Variants in MTR observed in about 807,000 individuals in gnomAD.
MTR encodes methionine synthase.
In MTR, 84 loss-of-function variants were observed where a neutral mutation model predicts 154.8. The ratio of observed to expected loss-of-function variants is 0.54; its 90% CI spans 0.45 to 0.65. MTR has a LOEUF of 0.65. Ranked by LOEUF, MTR falls within the 30% of genes least tolerant of loss-of-function variation. The probability of loss-of-function intolerance (pLI) is 0.00; values close to 1 mark genes in which losing one functional copy is unlikely to be tolerated. For synonymous variants in MTR, 554 were observed against 553.9 expected (o/e 1.00, Z 0.00); for missense variants, 1,275 against 1,570.2 (o/e 0.81, Z 3.18).
intron 2 of MTR, among the ~76,000 whole-genome samples, chr1:236,804,568 A>C (rs1327218655): frequency 6.6e-6 from 1 of 152,236 alleles, no homozygotes; most frequent in Non-Finnish European, 1.5e-5. Context: ...TAACTTCATA[A>C]TCTATTCCAT....
At position 236,835,540 on chromosome 1, in the gene MTR, C is replaced by A. The variant is rs534059695; in HGVS notation, c.1189-7C>A. The stretch of plus-strand genomic sequence containing the variant: ...TAATGCTGCTTCCTCTCTCATTCTT[C>A]CTTCAGGAAGCCTTGTGTGTTGCCA... On this transcript the variant is annotated splice_region_variant and splice_polypyrimidine_tract_variant and intron_variant, in intron 13 of 32. Transcript: ENST00000366577. 2.5e-6 allele frequency: 4 copies of A among 1,612,310 alleles called. No individual in the cohort carries two copies. Among genetic ancestry groups the A allele is most frequent in the African/African-American group, 2.7e-5 (2 of 74,364 alleles).
chr1:236,814,985 TATA>T (rs1277687408), intron 6 of MTR, among the ~76,000 whole-genome samples: 2 of 152,186 alleles, frequency 1.3e-5, no homozygotes, highest in Non-Finnish European at 2.9e-5. Flanking sequence ...AATCAAGAAA[TATA>T]ATGATAAAAA....
rs1666745663 is a variant in MTR at position 236,897,725 on chromosome 1, CA to C, written c.*87del. 7 of 1,257,174 alleles carry C rather than the reference CA, an allele frequency of 5.6e-6. No individual in the cohort carries two copies. Among genetic ancestry groups the C allele is most frequent in the Non-Finnish European group, 8.0e-6 (7 of 869,766 alleles). The allele number at this position is 1,257,174 out of a possible 1,614,324, so 77.9% of individuals were successfully genotyped here. A position where few individuals can be genotyped will look rare whatever the true frequency, so the allele number is the denominator to read the frequency against. On this transcript the variant is annotated 3_prime_UTR_variant, in exon 33 of 33. Transcript: ENST00000366577. ...TAGGGTGCCTTAAAAATAACAACAACAAAAAACCTGTGTGCATCTGGCTGAC... is the reference window on the plus strand; with the variant it reads ...TAGGGTGCCTTAAAAATAACAACAACAAAAACCTGTGTGCATCTGGCTGAC...
intron 11 of MTR, 112 bp from the exon 12 acceptor site, chr1:236,829,077 A>T: frequency 1.2e-6 from 1 of 809,116 alleles, no homozygotes; most frequent in Non-Finnish European, 2.1e-6. Flanking sequence ...AATTATATGT[A>T]TAGTTATGTT....
intron 8 of MTR, chr1:236,819,576 C>A: frequency 2.5e-6 from 1 of 407,622 alleles, no homozygotes; most frequent in Non-Finnish European, 4.6e-6. Flanking sequence ...ATGCTACTCA[C>A]AGAGGGGTCC....
In MTR at chr1:236,852,937, A is replaced by G. The variant is rs1289723374; in HGVS notation, c.1813-11A>G. The G allele has an allele frequency of 1.9e-6, 3 of 1,613,828 alleles. No individual in the cohort carries two copies. The highest frequency in any genetic ancestry group is 1.7e-5 in the Admixed American group (1 of 59,974). On this transcript the variant is annotated splice_polypyrimidine_tract_variant and intron_variant, in intron 17 of 32. Coordinates refer to ENST00000366577, the MANE Select transcript of MTR (RefSeq NM_000254.3). ...ACTGTAAATTCTCATTTTTATTTGT[A>G]TTGCCCTTAGTCTGGCATGGACATG...
chr1:236,894,282 T>C, intron 29 of MTR, 75 bp from the exon 30 acceptor site: 1 of 1,399,974 alleles, frequency 7.1e-7, no homozygotes, highest in South Asian at 1.2e-5. Flanking sequence ...GATACCCGAT[T>C]GCTCTTCATG....
intron 11 of MTR, among the ~76,000 whole-genome samples, chr1:236,828,153 A>G (rs1007263672): frequency 1.3e-5 from 2 of 151,814 alleles, no homozygotes; most frequent in Non-Finnish European, 2.9e-5. Flanking sequence ...AATTTTTTGT[A>G]TTTTTAGTAG....
intron 18 of MTR, among the ~76,000 whole-genome samples, chr1:236,854,835 C>T (rs1664110740): frequency 6.6e-6 from 1 of 152,204 alleles, no homozygotes; most frequent in South Asian, 2.1e-4. Context: ...TTCTGTATGT[C>T]ATGCTGAGCT....
intron 21 of MTR, 74 bp downstream of exon 21, chr1:236,862,417 A>G (rs1664596810): frequency 1.6e-6 from 2 of 1,219,970 alleles, no homozygotes; most frequent in South Asian, 2.4e-5. Flanking sequence ...GTAGGGGCCT[A>G]AGCAGTCAGG....
Position 236,847,258 on chromosome 1 carries a change from C to T in MTR, c.1516-3086C>T, listed in dbSNP as rs563162934. Among the ~76,000 whole-genome samples the T allele has an allele frequency of 4.8e-4, 73 of 152,294 alleles. No individual in the cohort carries two copies. In the South Asian group the frequency reaches 0.014, roughly 30 times the overall value. ...CCTCCAGGGTTCTCTCGCCCATCTT[C>T]AACTACTTCAGTTCGATTTTAAAAC... On this transcript the variant is annotated intron_variant, in intron 15 of 32. Coordinates refer to ENST00000366577, the MANE Select transcript of MTR (RefSeq NM_000254.3).
chr1:236,894,263 T>G, intron 29 of MTR, 94 bp from the exon 30 acceptor site: 1 of 1,218,790 alleles, frequency 8.2e-7, no homozygotes, highest in Non-Finnish European at 1.2e-6. Flanking sequence ...AAGCTTATTC[T>G]CATTTGACGA....
intron 1 of MTR, among the ~76,000 whole-genome samples, chr1:236,798,229 G>C (rs1392704403): frequency 6.6e-6 from 1 of 152,194 alleles, no homozygotes. Flanking sequence ...AAGTAAGTCA[G>C]ATCTATTTGG....
intron 22 of MTR, among the ~76,000 whole-genome samples, chr1:236,870,543 G>C (rs1401812177): frequency 6.6e-6 from 1 of 152,184 alleles, no homozygotes; most frequent in African/African-American, 2.4e-5. Flanking sequence ...CAAACTCTCA[G>C]ATAGGGCTGG....
chr1:236,812,370 A>G (rs939083155), intron 5 of MTR, among the ~76,000 whole-genome samples: 2 of 152,260 alleles, frequency 1.3e-5, no homozygotes, highest in African/African-American at 4.8e-5. Flanking sequence ...TCAGTGTGGC[A>G]TGTTTCTCAC....
At chr1:236,839,173 A>G (rs995243509) in intron 15 of MTR, among the ~76,000 whole-genome samples, 9 of 152,216 alleles carry the variant, frequency 5.9e-5, no homozygotes, top group Admixed American at 5.2e-4. Flanking sequence ...GAAGTATTCA[A>G]TAAATGCTGT....
chr1:236,880,705 G>A (rs890258905), intron 24 of MTR, 50 bp from the exon 25 acceptor site: 2 of 1,415,754 alleles, frequency 1.4e-6, no homozygotes, highest in Admixed American at 1.7e-5. Context: ...GAGTTGTATA[G>A]GAACTGTCAG....
At chr1:236,865,050 C>A (rs1664750098) in intron 22 of MTR, among the ~76,000 whole-genome samples, 3 of 152,160 alleles carry the variant, frequency 2.0e-5, no homozygotes, top group Admixed American at 2.0e-4. Flanking sequence ...ATTATACTAG[C>A]AATGTTTATT....
chr1:236,858,059 T>C (rs1237924858), intron 18 of MTR, among the ~76,000 whole-genome samples: 2 of 151,900 alleles, frequency 1.3e-5, no homozygotes, highest in Non-Finnish European at 2.9e-5. Context: ...GGAACAGAAG[T>C]GTTCTGGATG....
Sources: gnomAD v4.1 joint callset for allele counts (sites outside exome capture counted in the v4.1 genomes callset) on GRCh38, gnomAD v4.1.1 for gene constraint, MANE v1.5 for transcripts, NCBI Gene and HGNC (gene_info 2026-07-23, HGNC 2026-07-21) for gene names.